The following LRCH1 variants were observed in gnomAD, a reference collection of about 807,000 sequenced individuals.
LRCH1 encodes leucine rich repeats and calponin homology domain containing 1, also known as leucine-rich repeat and calponin homology domain-containing protein 1.
A neutral mutation model predicts 94.9 loss-of-function variants in LRCH1; 23 were observed. The ratio of observed to expected loss-of-function variants is 0.24; its 90% confidence interval spans 0.17 to 0.34. The LOEUF (loss-of-function observed/expected upper bound fraction) is 0.34. LRCH1 is among the 10% of genes least tolerant of loss of function. The probability of loss-of-function intolerance (pLI) is 1.00; values close to 1 mark genes in which losing one functional copy is unlikely to be tolerated. For synonymous variants in LRCH1, 364 were observed against 354.9 expected (o/e 1.03, Z -0.29); for missense variants, 790 against 945.9 (o/e 0.84, Z 2.16).
At chr13:46,717,434 C>T (rs184622246) in intron 16 of LRCH1, 4 of 152,274 alleles carry the variant, frequency 2.6e-5, no homozygotes, top group East Asian at 1.9e-4. Flanking sequence ...ACGGTTCAGT[C>T]GATCATGTCA....
intron 16 of LRCH1, among the ~76,000 whole-genome samples, chr13:46,721,431 A>G (rs1872579329): frequency 6.6e-6 from 1 of 152,108 alleles, no homozygotes; most frequent in African/African-American, 2.4e-5. Flanking sequence ...TATATTTTAT[A>G]TTTTTATATA....
At chr13:46,687,823 G>C in intron 5 of LRCH1, 29 bp from the exon 6 acceptor site, 1 of 1,588,326 alleles carries the variant, frequency 6.3e-7, no homozygotes, top group Admixed American at 1.7e-5. Flanking sequence ...ATTGAAAAAT[G>C]AATATGATTG....
exon 19 of LRCH1, chr13:46,751,230 T>C (rs1244153211): frequency 6.6e-6 from 1 of 152,206 alleles, no homozygotes; most frequent in Admixed American, 6.5e-5. Context: ...TTAAACACTT[T>C]ATTTTAATAT....
At chr13:46,575,413 G>A (rs774665695) in intron 1 of LRCH1, among the ~76,000 whole-genome samples, 10 of 152,288 alleles carry the variant, frequency 6.6e-5, no homozygotes, top group South Asian at 6.2e-4. Context: ...AGAACTGGGC[G>A]TGGGAGGGCT....
rs9590979 is a variant in LRCH1, at chr13:46,686,089, T to G, written c.822+48T>G. ...CAATGCCCCATGGGATGTGCTGTTA[T>G]AGGAGCCAAGGGAAAATTTCCCCTT... is the stretch of plus-strand genomic sequence containing the variant. On this transcript the variant is annotated intron_variant, in intron 5 of 19. Transcript: ENST00000389797. 6.2e-3 allele frequency: 8,753 copies of G among 1,409,512 alleles called. 297 individuals carry two copies. In the Admixed American group the frequency reaches 0.08, roughly 13 times the overall value. The allele number at this position is 1,409,512 out of a possible 1,614,324, so 87.3% of individuals were successfully genotyped here. A position where few individuals can be genotyped will look rare whatever the true frequency, so the allele number is the denominator to read the frequency against.
At chr13:46,649,457 G>C (rs990779315) in intron 1 of LRCH1, among the ~76,000 whole-genome samples, 1 of 152,178 alleles carries the variant, frequency 6.6e-6, no homozygotes, top group Non-Finnish European at 1.5e-5. Flanking sequence ...CGTACTGTAT[G>C]ATTACGCTGC....
At chr13:46,715,704 T>C in intron 16 of LRCH1, 40 bp downstream of exon 16, 1 of 1,191,590 alleles carries the variant, frequency 8.4e-7, no homozygotes, top group Non-Finnish European at 1.2e-6. Flanking sequence ...TTCTCATTAA[T>C]AAGCCAATGC....
chr13:46,690,102 C>T (rs1203322343), intron 7 of LRCH1, among the ~76,000 whole-genome samples: 1 of 151,930 alleles, frequency 6.6e-6, no homozygotes, highest in Non-Finnish European at 1.5e-5. Context: ...CTCCTCAAGT[C>T]GTTGAATTTT....
chr13:46,603,200 T>C (rs1037550538), intron 1 of LRCH1, among the ~76,000 whole-genome samples: 4 of 152,150 alleles, frequency 2.6e-5, no homozygotes, highest in African/African-American at 9.7e-5. Context: ...TTATTTCTTC[T>C]TGGTGTGGCC....
At chr13:46,567,827 G>A (rs2050201140) in intron 1 of LRCH1, among the ~76,000 whole-genome samples, 1 of 152,112 alleles carries the variant, frequency 6.6e-6, no homozygotes, top group Non-Finnish European at 1.5e-5. Context: ...TGAAGACTTG[G>A]TATCTCAATA....
chr13:46,657,500 C>CTTTTTTTTTTTTTT lies in LRCH1; in HGVS notation c.452+7184_452+7197dup. Among the ~76,000 whole-genome samples, 16 of 11,378 alleles carry CTTTTTTTTTTTTTT rather than the reference C, an allele frequency of 1.4e-3. 3 individuals carry two copies. The highest frequency in any genetic ancestry group is 3.4e-3 in the East Asian group (1 of 296). 7.5% of individuals were successfully genotyped at this position (11,378 alleles called of 152,430 possible). A position where few individuals can be genotyped will look rare whatever the true frequency, so the allele number is the denominator to read the frequency against. On this transcript the variant is annotated intron_variant, in intron 2 of 19. Coordinates refer to ENST00000389797, the MANE Select transcript of LRCH1 (RefSeq NM_001164211.2). ...TCATTTTTACTTTTTCTTTTCTTTTCTTTTTTTTTTTTTTTTTTTTTTTTT... is the reference window on the plus strand; with the variant it reads ...TCATTTTTACTTTTTCTTTTCTTTTCTTTTTTTTTTTTTTTTTTTTTTTTTTTTTTTTTTTTTTT...
chr13:46,668,290 C>T (rs1051453340), intron 2 of LRCH1, among the ~76,000 whole-genome samples: 6 of 152,050 alleles, frequency 3.9e-5, no homozygotes, highest in East Asian at 1.9e-4. Flanking sequence ...TGGGTAGAGA[C>T]CCTCTTCTTG....
rs2051301313 is a variant in LRCH1, at chr13:46,651,673, AAG to A, written c.452+1331_452+1332del. On this transcript the variant is annotated intron_variant, in intron 2 of 19. Coordinates refer to ENST00000389797, the MANE Select transcript of LRCH1 (RefSeq NM_001164211.2). The stretch of plus-strand genomic sequence containing the variant: ...CGAAACTCCATGTCAAAAAAAAAAA[AAG>A]AGTTTAAGTTGCATTTCTGTAGAAG... 2.0e-5 allele frequency among the ~76,000 whole-genome samples: 3 copies of A among 150,826 alleles called. No individual in the cohort carries two copies. In the South Asian group the frequency reaches 6.3e-4, roughly 32 times the overall value.
chr13:46,585,972 C>T (rs2050430870), intron 1 of LRCH1, among the ~76,000 whole-genome samples: 1 of 152,140 alleles, frequency 6.6e-6, no homozygotes, highest in Admixed American at 6.5e-5. Context: ...TTTGTAATTT[C>T]CCAGTTCTCA....
intron 2 of LRCH1, among the ~76,000 whole-genome samples, chr13:46,652,691 G>A (rs956328324): frequency 6.6e-6 from 1 of 152,192 alleles, no homozygotes; most frequent in Non-Finnish European, 1.5e-5. Context: ...ACAGGGGAAA[G>A]CATGTGTAGT....
chr13:46,570,070 T>C (rs2050225293), intron 1 of LRCH1, among the ~76,000 whole-genome samples: 1 of 152,224 alleles, frequency 6.6e-6, no homozygotes, highest in Non-Finnish European at 1.5e-5. Flanking sequence ...CTTCATTTAT[T>C]GAGTCAGATA....
intron 3 of LRCH1, among the ~76,000 whole-genome samples, chr13:46,673,037 A>C (rs1323333622): frequency 6.6e-6 from 1 of 152,260 alleles, no homozygotes. Context: ...AAGTGAAATT[A>C]ATTGTAATAA....
chr13:46,703,877 AGAAGGAAATATATTAAAATG>A (rs199983931), intron 11 of LRCH1, among the ~76,000 whole-genome samples: 3,041 of 152,156 alleles, frequency 0.02, 86 homozygotes, highest in East Asian at 0.082. Context: ...ATGGATTTTA[AGAAGGAAATATATTAAAATG>A]GAAGGAAATA....
intron 1 of LRCH1, among the ~76,000 whole-genome samples, chr13:46,640,117 G>T (rs1217689358): frequency 1.3e-5 from 2 of 152,210 alleles, no homozygotes; most frequent in Non-Finnish European, 2.9e-5. Flanking sequence ...TGTTAAGTAA[G>T]TTGACTACTA....
Sources: allele counts gnomAD v4.1 joint callset (sites outside exome capture counted in the v4.1 genomes callset), GRCh38; gene constraint gnomAD v4.1.1; transcripts MANE v1.5; gene names NCBI Gene and HGNC (gene_info 2026-07-23, HGNC 2026-07-21).